GLDC: variants seen among roughly 807,000 people sequenced by gnomAD.
GLDC encodes the protein glycine decarboxylase, also known as glycine dehydrogenase (decarboxylating), mitochondrial.
A neutral mutation model predicts 121.3 loss-of-function variants in GLDC; 104 were observed. The observed-to-expected ratio is 0.86, with a 90% CI of 0.73 to 1.01. The LOEUF (loss-of-function observed/expected upper bound fraction) is 1.01. GLDC is among the 50% of genes least tolerant of loss of function. The pLI is 0.00. For synonymous variants in GLDC, 546 were observed against 480.6 expected, an observed-to-expected ratio of 1.14 and a Z score of -1.78; for missense variants, 1,429 against 1,306.6, an observed-to-expected ratio of 1.09 and a Z score of -1.44.
rs565929605 is a variant in GLDC, at chr9:6,637,098, T to A, written c.334+7516A>T. ...AACTGGTTTTGTTTGTTTTTTTTTT[T>A]AAAAAAGTCCGGGCACAATGGCTCA... On this transcript the variant is annotated intron_variant, in intron 2 of 24. Transcript: ENST00000321612. Among the ~76,000 whole-genome samples the A allele has an allele frequency of 1.9e-3, 287 of 147,824 alleles. 2 individuals are homozygous for A. Among genetic ancestry groups the A allele is most frequent in the South Asian group, 4.9e-3 (23 of 4,648 alleles).
chr9:6,627,870 G>A (rs563039160), intron 2 of GLDC, among the ~76,000 whole-genome samples: 6 of 152,292 alleles, frequency 3.9e-5, no homozygotes, highest in Non-Finnish European at 8.8e-5. Flanking sequence ...TTTGTTCACT[G>A]GTTGCCATTT....
At chr9:6,617,477 G>C (rs773105675) in intron 3 of GLDC, among the ~76,000 whole-genome samples, 1 of 152,020 alleles carries the variant, frequency 6.6e-6, no homozygotes, top group Non-Finnish European at 1.5e-5. Context: ...TTTTCTTAAG[G>C]GGGAAGAGAA....
intron 8 of GLDC, among the ~76,000 whole-genome samples, chr9:6,598,751 G>A (rs979654546): frequency 1.3e-5 from 2 of 152,200 alleles, no homozygotes; most frequent in Non-Finnish European, 2.9e-5. Context: ...CAGAATAAGA[G>A]GATGAAAATC....
chr9:6,533,264 C>A lies in GLDC; in HGVS notation c.2920-104G>T, dbSNP rs180910721. 3.1e-6 allele frequency: 3 copies of A among 954,944 alleles called. No individual in the cohort carries two copies. In the South Asian group the frequency reaches 3.9e-5, roughly 12 times the overall value. 59.2% of individuals were successfully genotyped at this position (954,944 alleles called of 1,614,324 possible). On this transcript the variant is annotated intron_variant, in intron 24 of 24. Transcript: ENST00000321612. ...TCCCACAACCTAAGACACCATCAGC[C>A]CAGCAAATATTCTGAGAACCTAAAA... is the stretch of plus-strand genomic sequence containing the variant.
intron 9 of GLDC, among the ~76,000 whole-genome samples, chr9:6,593,747 C>T (rs1490571956): frequency 2.0e-5 from 3 of 146,836 alleles, no homozygotes; most frequent in African/African-American, 7.6e-5. Context: ...GGATGGAGTA[C>T]AGTGGAGCAA....
intron 8 of GLDC, among the ~76,000 whole-genome samples, chr9:6,600,049 C>A (rs1818572587): frequency 6.6e-6 from 1 of 152,124 alleles, no homozygotes; most frequent in African/African-American, 2.4e-5. Flanking sequence ...TGTGACATCT[C>A]TCTCTGACAC....
intron 9 of GLDC, 43 bp from the exon 10 acceptor site, chr9:6,593,033 T>C (rs2129854033): frequency 6.2e-7 from 1 of 1,605,138 alleles, no homozygotes; most frequent in South Asian, 1.1e-5. Context: ...TATAGAAACC[T>C]GCTCCTCAGC....
chr9:6,592,633 A>T (rs1180576434), intron 10 of GLDC, among the ~76,000 whole-genome samples: 1 of 152,222 alleles, frequency 6.6e-6, no homozygotes, highest in Non-Finnish European at 1.5e-5. Context: ...TTTCAGTCCC[A>T]CATATGAAAA....
chr9:6,644,050 A>AGAAAAAAAAAAAAAAAAAAAAAAAAAAAC (rs55988287), intron 2 of GLDC, among the ~76,000 whole-genome samples: 1 of 92,702 alleles, frequency 1.1e-5, no homozygotes, highest in Non-Finnish European at 2.0e-5. Flanking sequence ...AAAAAAAAAA[A>AGAAAAAAAAAAAAAAAAAAAAAAAAAAAC]CGAAAAAAAA....
chr9:6,567,609 T>C (rs1817878434), intron 15 of GLDC: 1 of 152,220 alleles, frequency 6.6e-6, no homozygotes, highest in African/African-American at 2.4e-5. Flanking sequence ...GGCAAGAATT[T>C]TGTCAACCTT....
At chr9:6,598,791 GC>G (rs1444784462) in intron 8 of GLDC, among the ~76,000 whole-genome samples, 4 of 152,210 alleles carry the variant, frequency 2.6e-5, no homozygotes, top group Non-Finnish European at 4.4e-5. Context: ...CATCTCCAGG[GC>G]AAACATTTTA....
chr9:6,634,877 C>G (rs1359224836), intron 2 of GLDC, among the ~76,000 whole-genome samples: 1 of 152,178 alleles, frequency 6.6e-6, no homozygotes, highest in African/African-American at 2.4e-5. Context: ...CTGCAAAACA[C>G]AGGATCAATC....
At chr9:6,545,414 C>A (rs1296050256) in intron 21 of GLDC, among the ~76,000 whole-genome samples, 1 of 151,936 alleles carries the variant, frequency 6.6e-6, no homozygotes, top group African/African-American at 2.4e-5. Flanking sequence ...AGCAAAAATA[C>A]GACATAAAAC....
intron 2 of GLDC, among the ~76,000 whole-genome samples, chr9:6,625,082 C>A (rs1242317426): frequency 6.6e-6 from 1 of 152,198 alleles, no homozygotes; most frequent in African/African-American, 2.4e-5. Flanking sequence ...AAGTAATCGA[C>A]CCCAATAGCA....
chr9:6,622,092 C>G (rs1030833471), intron 2 of GLDC, among the ~76,000 whole-genome samples: 2 of 151,904 alleles, frequency 1.3e-5, no homozygotes, highest in African/African-American at 2.4e-5. Flanking sequence ...TGAACTCTAT[C>G]TGAATATTAT....
chr9:6,590,626 G>C (rs1364912603), intron 11 of GLDC, among the ~76,000 whole-genome samples: 1 of 152,136 alleles, frequency 6.6e-6, no homozygotes, highest in Non-Finnish European at 1.5e-5. Context: ...AACGCTTCTT[G>C]CACAGCACAG....
chr9:6,601,360 C>T (rs577031520), intron 8 of GLDC, among the ~76,000 whole-genome samples: 49 of 152,230 alleles, frequency 3.2e-4, no homozygotes, highest in African/African-American at 9.9e-4. Context: ...CCTGGCCCAA[C>T]GCCAAGAATA....
chr9:6,645,137 G>T, intron 1 of GLDC, 108 bp downstream of exon 1: 3 of 1,160,842 alleles, frequency 2.6e-6, no homozygotes, highest in Non-Finnish European at 3.6e-6. Flanking sequence ...CAGGGTGCGG[G>T]GACCACGCGG....
At chr9:6,565,278 G>T in intron 16 of GLDC, 76 bp downstream of exon 16, 1 of 996,618 alleles carries the variant, frequency 1.0e-6, no homozygotes, top group Non-Finnish European at 1.6e-6. Context: ...TGGAGGGAGT[G>T]TCCCACAGAA....
Sources: gnomAD v4.1 joint callset for allele counts (sites outside exome capture counted in the v4.1 genomes callset) on GRCh38, gnomAD v4.1.1 for gene constraint, MANE v1.5 for transcripts, NCBI Gene and HGNC (gene_info 2026-07-23, HGNC 2026-07-21) for gene names.